Variants in SZT2 observed in about 807,000 individuals in gnomAD.
SZT2 encodes SZT2 subunit of KICSTOR complex.
In SZT2, 216 loss-of-function variants were observed where a neutral mutation model predicts 404.2. That is an observed-to-expected ratio of 0.53 (90% CI 0.48 to 0.60). The LOEUF is 0.60. Among genes scored for constraint, SZT2 ranks in the 20% least tolerant of loss-of-function variants. The pLI is 0.00. For missense variants in SZT2, 3,857 were observed against 4,459.2 expected (o/e 0.86, Z 3.85); for synonymous variants, 1,693 against 1,749.9 (o/e 0.97, Z 0.81).
At chr1:43,390,190 G>C (rs916462452) in intron 1 of SZT2, among the ~76,000 whole-genome samples, 195 bp downstream of exon 1, 6 of 152,368 alleles carry the variant, frequency 3.9e-5, no homozygotes, top group African/African-American at 1.4e-4. Context: ...AGTTTCCTCG[G>C]GGAGCTAAAG....
chr1:43,413,718 G>T (rs1258061507), intron 4 of SZT2, among the ~76,000 whole-genome samples: 5 of 133,750 alleles, frequency 3.7e-5, no homozygotes, highest in Non-Finnish European at 5.3e-5. Context: ...GACAAACTTG[G>T]CATGTTATTT....
At position 43,445,826 on chromosome 1, in the gene SZT2, G is replaced by C. The variant is rs138129850; in HGVS notation, c.8826-68G>C. 787 of 1,442,824 alleles carry C rather than the reference G, an allele frequency of 5.5e-4. 4 individuals carry two copies. In the African/African-American group the frequency reaches 7.2e-3, roughly 13 times the overall value. 89.4% of individuals were successfully genotyped at this position (1,442,824 alleles called of 1,614,324 possible). A position where few individuals can be genotyped will look rare whatever the true frequency, so the allele number is the denominator to read the frequency against. The stretch of plus-strand genomic sequence containing the variant: ...AATGATTCCATATAAAACAGATTCT[G>C]GGTCTGATCACCATGACTGCATGCC... On this transcript the variant is annotated intron_variant, in intron 62 of 71. Transcript: ENST00000634258.
At chr1:43,402,666 C>T (rs557345592) in intron 1 of SZT2, among the ~76,000 whole-genome samples, 9 of 152,036 alleles carry the variant, frequency 5.9e-5, no homozygotes, top group African/African-American at 1.4e-4. Context: ...CTGAGAAGTG[C>T]GGGGGTGGGG....
intron 4 of SZT2, chr1:43,412,317 A>G (rs539815253): frequency 6.6e-6 from 1 of 152,500 alleles, no homozygotes; most frequent in East Asian, 1.9e-4. Flanking sequence ...TGTTCTCCAT[A>G]GAAGGTCTCG....
At chr1:43,435,579 GAA>G (rs1161387389) in intron 42 of SZT2, 1 of 404,194 alleles carries the variant, frequency 2.5e-6, no homozygotes, top group Non-Finnish European at 4.5e-6. Context: ...AATGAAAAGT[GAA>G]AGAGGGTGAT....
rs1652138541 is a variant in SZT2 at position 43,419,919 on chromosome 1, A to G, written c.1065A>G (p.Glu355=). Residue 355 remains glutamate (E), a synonymous_variant, in exon 8 of 72, where the codon GAA becomes GAG. Coordinates refer to ENST00000634258, the MANE Select transcript of SZT2 (RefSeq NM_001365999.1). The stretch of plus-strand genomic sequence containing the variant: ...TCTATTCCTTCCTGCGCAGTGGGGA[A>G]GCACTGAACCCTGAATATTACTGCG... ...FLLYSFLRSG[E]ALNPEYYCGS... 3 of 1,598,146 alleles carry G rather than the reference A, an allele frequency of 1.9e-6. No homozygotes were observed. Among genetic ancestry groups the G allele is most frequent in the Non-Finnish European group, 2.5e-6 (3 of 1,179,700 alleles).
At chr1:43,404,826 T>A (rs1650110406) in intron 4 of SZT2, 1 of 315,228 alleles carries the variant, frequency 3.2e-6, no homozygotes, top group African/African-American at 2.2e-5. Context: ...TTCTGACCAC[T>A]GGATGTCTGT....
intron 11 of SZT2, among the ~76,000 whole-genome samples, chr1:43,421,548 G>A (rs963994267): frequency 1.1e-4 from 17 of 152,220 alleles, no homozygotes; most frequent in Non-Finnish European, 1.9e-4. Context: ...ACAGTGTCTA[G>A]GTGGTGGTAT....
In SZT2 at chr1:43,415,206, A is replaced by G; in HGVS notation, c.623A>G (p.Gln208Arg). The change falls in exon 5 of 72, where the codon CAG becomes CGG. Residue 208 changes from glutamine to arginine, a missense_variant. Around this residue, in one of 7 missense-constraint regions of SZT2, gnomAD observed 536 missense variants for 637.4 expected, o/e 0.84. Coordinates refer to ENST00000634258, the MANE Select transcript of SZT2 (RefSeq NM_001365999.1). ...ATMLQQQYDP[Q>R]SQAEDQSPDS... ...ATGCTGCAGCAGCAGTACGATCCCCAGAGCCAGGTATGTAAGAGAGAAAGT... is the reference window on the plus strand; with the variant it reads ...ATGCTGCAGCAGCAGTACGATCCCCGGAGCCAGGTATGTAAGAGAGAAAGT... 1 of 1,597,866 alleles carries G rather than the reference A, an allele frequency of 6.3e-7. No homozygotes were observed. Among genetic ancestry groups the G allele is most frequent in the South Asian group, 1.1e-5 (1 of 90,984 alleles).
At chr1:43,421,660 G>A (rs1057220606) in intron 11 of SZT2, among the ~76,000 whole-genome samples, 1 of 152,230 alleles carries the variant, frequency 6.6e-6, no homozygotes, top group African/African-American at 2.4e-5. Flanking sequence ...CAGCCACCAT[G>A]AACTGTGTAC....
At chr1:43,412,961 A>G (rs1401016742) in intron 4 of SZT2, among the ~76,000 whole-genome samples, 1 of 152,230 alleles carries the variant, frequency 6.6e-6, no homozygotes, top group Non-Finnish European at 1.5e-5. Flanking sequence ...GCAATGAGGT[A>G]TCATTTCACC....
intron 1 of SZT2, among the ~76,000 whole-genome samples, chr1:43,399,665 G>A (rs1649441137): frequency 6.6e-6 from 1 of 151,974 alleles, no homozygotes; most frequent in South Asian, 2.1e-4. Context: ...GTTTCGCTGT[G>A]TTAGCCAGGG....
Position 43,441,800 on chromosome 1 carries a change from G to A in SZT2, c.7724G>A (p.Arg2575His), listed in dbSNP as rs147818016. Reference sequence around the variant, plus strand: ...TCAATGGCTGGAGACACCAGTGTCCGCATCTTTGAGCAGCATTTGTGAGTG... The same window carrying A: ...TCAATGGCTGGAGACACCAGTGTCCACATCTTTGAGCAGCATTTGTGAGTG... ...VTSMAGDTSV[R>H]IFEQHLGSEP... The change falls in exon 55 of 72, where the codon CGC becomes CAC. Residue 2575 changes from arginine (R) to histidine (H), a missense_variant. Arg to His is a conservative substitution (Grantham distance 29, BLOSUM62 0). Around this residue, in one of 7 missense-constraint regions of SZT2, gnomAD observed 573 missense variants for 592.4 expected, o/e 0.97. Coordinates refer to ENST00000634258, the MANE Select transcript of SZT2 (RefSeq NM_001365999.1). The surrounding 1 kb of genome is among the most constrained non-coding windows in gnomAD (Gnocchi z 4.8). 13 of 1,614,010 alleles carry A rather than the reference G, an allele frequency of 8.1e-6. No homozygotes were observed. The highest frequency in any genetic ancestry group is 1.3e-5 in the African/African-American group (1 of 74,908).
chr1:43,452,583 C>T lies in SZT2; in HGVS notation c.*2103C>T, dbSNP rs948189780. The stretch of plus-strand genomic sequence containing the variant: ...ACCTTTCCTTCCCTCGGTCCTTCTC[C>T]GCAACCTGTAACCTGCTAAATTCTC... On this transcript the variant is annotated 3_prime_UTR_variant, in exon 72 of 72. Transcript: ENST00000634258. 587 of 607,974 alleles carry T rather than the reference C, an allele frequency of 9.7e-4. 10 individuals carry two copies. The highest frequency in any genetic ancestry group is 4.3e-4 in the Middle Eastern group (1 of 2,306). The allele number at this position is 607,974 out of a possible 1,614,324, so 37.7% of individuals were successfully genotyped here.
rs975342844 is a variant in SZT2 at position 43,426,521 on chromosome 1, G to A, written c.3197G>A (p.Arg1066Gln). 36 of 1,583,002 alleles carry A rather than the reference G, an allele frequency of 2.3e-5. No individual in the cohort carries two copies. The Admixed American group carries it at 3.6e-4, about 16-fold the overall frequency. Residue 1066 changes from arginine (R) to glutamine (Q), a missense_variant, in exon 22 of 72, where the codon CGG becomes CAG. Physicochemically the swap from Arg to Gln is conservative, Grantham distance 43 (BLOSUM62 1). Transcript: ENST00000634258. The surrounding 1 kb of genome is among the most constrained non-coding windows in gnomAD (Gnocchi z 4.9). Reference protein sequence around the residue: ...QAAFLSEVLRRTCHVPGAEGP... With the variant: ...QAAFLSEVLRQTCHVPGAEGP... ...GCCTTCTTGAGTGAGGTGCTGCGGC[G>A]GACCTGCCACGTTCCAGGTGAGTTC...
At position 43,452,955 on chromosome 1, in the gene SZT2, C is replaced by G; in HGVS notation, c.*2475C>G. 1 of 1,609,702 alleles carries G rather than the reference C, an allele frequency of 6.2e-7. No homozygotes were observed. The highest frequency in any genetic ancestry group is 8.5e-7 in the Non-Finnish European group (1 of 1,178,642). ...TACACCAGGCCTCCTCTTGCCACAG[C>G]ACCCTTGCAAGGAACACTCAACTTC... On this transcript the variant is annotated 3_prime_UTR_variant, in exon 72 of 72. Coordinates refer to ENST00000634258, the MANE Select transcript of SZT2 (RefSeq NM_001365999.1).
chr1:43,419,854 G>T lies in SZT2; in HGVS notation c.1000G>T (p.Gly334Cys), dbSNP rs918688605. The change falls in exon 8 of 72, where the codon GGC becomes TGC. Residue 334 changes from glycine to cysteine, a missense_variant. By Grantham distance (159) the Gly-to-Cys change is radical (BLOSUM62 -3). This residue lies in a region of SZT2 where 536 missense variants were observed against 637.4 expected (regional missense o/e 0.84). Transcript: ENST00000634258. ...YLSTCPEPEP[G>C]NLGLTVYHRA... ...GTCCACTTGTCCTGAGCCGGAGCCA[G>T]GCAACCTGGGTCTGACTGTCTACCA... is the stretch of plus-strand genomic sequence containing the variant. 8 of 1,598,350 alleles carry T rather than the reference G, an allele frequency of 5.0e-6. No individual in the cohort carries two copies. In the Admixed American group the frequency reaches 8.3e-5, roughly 17 times the overall value.
In SZT2 at chr1:43,404,483, A is replaced by C; in HGVS notation, c.431A>C (p.Asp144Ala). The C allele has an allele frequency of 6.2e-7, 1 of 1,613,944 alleles. No homozygotes were observed. Among genetic ancestry groups the C allele is most frequent in the Non-Finnish European group, 8.5e-7 (1 of 1,179,996 alleles). The change falls in exon 4 of 72, where the codon GAC (aspartate) becomes GCC (alanine). Residue 144 changes from aspartate (D) to alanine (A), a missense_variant. Physicochemically the swap from Asp to Ala is moderately radical, Grantham distance 126. Coordinates refer to ENST00000634258, the MANE Select transcript of SZT2 (RefSeq NM_001365999.1). ...RPFRVPGSCI[D>A]FQPEIYVTIQ... ...TTCCGAGTGCCTGGATCTTGCATCG[A>C]CTTCCAGCCTGAGATCTATGTAACT...
chr1:43,439,009 C>T lies in SZT2; in HGVS notation c.6708C>T (p.Ala2236=). The T allele has an allele frequency of 6.2e-7, 1 of 1,614,222 alleles. No homozygotes were observed. Among genetic ancestry groups the T allele is most frequent in the Non-Finnish European group, 8.5e-7 (1 of 1,180,034 alleles). Residue 2236 remains alanine (A), a synonymous_variant, in exon 48 of 72, where the codon GCC becomes GCT. Transcript: ENST00000634258. This position sits in a 1 kb window ranked among gnomAD's most constrained non-coding sequence, Gnocchi z 4.2. ...LPTSCRPWLP[A]LAWYLRQNLL... is the part of the protein sequence containing the mutation. ...CCTCCTGCAGGCCCTGGCTTCCAGC[C>T]CTGGCATGGTACCTACGGCAGAACT...
Sources: allele counts gnomAD v4.1 joint callset (sites outside exome capture counted in the v4.1 genomes callset), GRCh38; gene constraint gnomAD v4.1.1; regional missense constraint gnomAD v4.1.1; non-coding constraint Gnocchi (gnomAD v3.1); transcripts MANE v1.5; gene names NCBI Gene and HGNC (gene_info 2026-07-23, HGNC 2026-07-21).